The following SLAMF9 variants were observed in gnomAD, a reference collection of about 807,000 sequenced individuals.
SLAMF9 encodes SLAM family member 9.
Under a neutral mutation model 30.4 loss-of-function variants are expected in SLAMF9, and 25 were observed. That is an observed-to-expected ratio of 0.82 (90% CI 0.60 to 1.15). The LOEUF is 1.15. Among genes scored for constraint, SLAMF9 ranks in the 50% most tolerant of loss-of-function variants. The probability of loss-of-function intolerance (pLI) is 0.00; values close to 1 mark genes in which losing one functional copy is unlikely to be tolerated. For missense variants in SLAMF9, 344 were observed against 346.1 expected (o/e 0.99, Z 0.05); for synonymous variants, 129 against 127.2 (o/e 1.01, Z -0.09).
chr1:159,962,484 G>A, the SLAMF9 span, among the ~76,000 whole-genome samples: 1 of 152,078 alleles, frequency 6.6e-6, no homozygotes, highest in African/African-American at 2.4e-5. Context: ...TGAAGATTTG[G>A]GGAAAAGGTG....
chr1:159,970,093 A>T, the SLAMF9 span, among the ~76,000 whole-genome samples: 1 of 152,130 alleles, frequency 6.6e-6, no homozygotes, highest in Non-Finnish European at 1.5e-5. Flanking sequence ...AATAAATAAA[A>T]TAGTATTTAT....
the SLAMF9 span, among the ~76,000 whole-genome samples, chr1:159,963,088 C>T: frequency 6.6e-6 from 1 of 152,100 alleles, no homozygotes; most frequent in Non-Finnish European, 1.5e-5. Flanking sequence ...TGGGTTCCTT[C>T]GTCTGCAGAA....
chr1:159,974,214 C>A, the SLAMF9 span: 4 of 626,946 alleles, frequency 6.4e-6, no homozygotes, highest in African/African-American at 7.4e-5. Flanking sequence ...TTCATGCTGA[C>A]CAGAGAAGGG....
rs147709939 is a variant in SLAMF9, at chr1:159,952,495, C to T, written c.431G>A (p.Ser144Asn). 1.7e-5 allele frequency: 27 copies of T among 1,613,972 alleles called. No homozygotes were observed. The highest frequency in any genetic ancestry group is 2.3e-5 in the Non-Finnish European group (27 of 1,180,012). The change falls in exon 3 of 4, where the codon AGT becomes AAT. Residue 144 changes from serine (S) to asparagine (N), a missense_variant. By Grantham distance (46) the Ser-to-Asn change is conservative. Transcript: ENST00000368093. ...SEPQITVNFE[S>N]SGEGACSMSL... The stretch of plus-strand genomic sequence containing the variant: ...CATACTGCAGGCACCTTCCCCAGAA[C>T]TCTCAAAGTTCACAGTGATCTGGGG...
upstream of SLAMF9, among the ~76,000 whole-genome samples, chr1:159,957,618 A>T (rs2840586): frequency 0.88 from 133,144 of 152,134 alleles, 58,719 homozygotes; most frequent in East Asian, 1. Context: ...GCGAGACTCC[A>T]TCTAAAAAAA....
In SLAMF9 at chr1:159,953,498, T is replaced by C. The variant is rs764311861; in HGVS notation, c.202A>G (p.Lys68Glu). The stretch of plus-strand genomic sequence containing the variant: ...ATGATGGTAGCTGGATGTCCCTCTT[T>C]CCCTGGCACCACAGTGGCAAGACTT... ...HKSLATVVPG[K>E]EGHPATIMVT... Residue 68 changes from lysine to glutamate, a missense_variant, in exon 2 of 4, where the codon AAA becomes GAA. Transcript: ENST00000368093. 1 of 1,614,192 alleles carries C rather than the reference T, an allele frequency of 6.2e-7. No individual in the cohort carries two copies. The highest frequency in any genetic ancestry group is 1.7e-5 in the Admixed American group (1 of 60,024).
intron 3 of SLAMF9, 97 bp from the exon 4 acceptor site, chr1:159,951,963 T>C: frequency 9.7e-7 from 1 of 1,034,612 alleles, no homozygotes; most frequent in South Asian, 1.5e-5. Context: ...GGGTCTCAAG[T>C]TCACAATCAG....
At chr1:159,962,887 T>C in the SLAMF9 span, among the ~76,000 whole-genome samples, 1 of 152,176 alleles carries the variant, frequency 6.6e-6, no homozygotes. Context: ...GAAAGTGCTC[T>C]AGTTTGGAGG....
the SLAMF9 span, among the ~76,000 whole-genome samples, chr1:159,970,561 C>T: frequency 6.6e-6 from 1 of 152,212 alleles, no homozygotes; most frequent in Admixed American, 6.5e-5. Context: ...CTCCCATAGC[C>T]ATGGATAGAA....
intron 3 of SLAMF9, 92 bp downstream of exon 3, chr1:159,952,170 C>T: frequency 6.8e-7 from 1 of 1,469,472 alleles, no homozygotes; most frequent in Non-Finnish European, 9.3e-7. Flanking sequence ...TCTGAATTCC[C>T]TGGGCTCTCT....
At chr1:159,970,706 G>C in the SLAMF9 span, among the ~76,000 whole-genome samples, 1 of 152,188 alleles carries the variant, frequency 6.6e-6, no homozygotes, top group East Asian at 1.9e-4. Context: ...ACGTGTGTGA[G>C]AGTTTAGCCA....
chr1:159,979,243 G>A, the SLAMF9 span, among the ~76,000 whole-genome samples: 45 of 152,088 alleles, frequency 3.0e-4, no homozygotes, highest in Non-Finnish European at 6.0e-4. Flanking sequence ...AGTTGTTTTG[G>A]GAAAGCCCTT....
the SLAMF9 span, among the ~76,000 whole-genome samples, chr1:159,971,951 C>CA: frequency 3.9e-5 from 6 of 152,168 alleles, no homozygotes; most frequent in African/African-American, 7.2e-5. Flanking sequence ...CAAAACAAAA[C>CA]AAAAAAACTT....
At chr1:159,976,974 G>A in the SLAMF9 span, 2 of 39,984 alleles carry the variant, frequency 5.0e-5, no homozygotes, top group Admixed American at 3.5e-4. Flanking sequence ...AAGAAAGAAG[G>A]AAAGAAGGAA....
At chr1:159,968,170 G>A in the SLAMF9 span, among the ~76,000 whole-genome samples, 1 of 152,156 alleles carries the variant, frequency 6.6e-6, no homozygotes, top group Non-Finnish European at 1.5e-5. Flanking sequence ...CATCCTTGTT[G>A]TGTTTCTGAT....
chr1:159,953,032 G>A (rs1651813637), intron 2 of SLAMF9, among the ~76,000 whole-genome samples: 1 of 152,150 alleles, frequency 6.6e-6, no homozygotes, highest in Non-Finnish European at 1.5e-5. Flanking sequence ...AATTTCACTG[G>A]AAGAGAAAAG....
the SLAMF9 span, among the ~76,000 whole-genome samples, chr1:159,965,972 T>C: frequency 5.3e-5 from 8 of 152,242 alleles, no homozygotes; most frequent in Non-Finnish European, 8.8e-5. Flanking sequence ...GTGATATATT[T>C]GAAATTACAC....
the SLAMF9 span, among the ~76,000 whole-genome samples, chr1:159,980,935 C>T: frequency 6.6e-6 from 1 of 152,250 alleles, no homozygotes; most frequent in Admixed American, 6.5e-5. Context: ...CTTTGCGTCA[C>T]ACGCAGAAGC....
upstream of SLAMF9, among the ~76,000 whole-genome samples, chr1:159,954,655 T>TAG (rs1375447565): frequency 6.6e-6 from 1 of 152,238 alleles, no homozygotes; most frequent in Non-Finnish European, 1.5e-5. Context: ...GGCCCCATAC[T>TAG]AGACATGTGT....
Sources: allele counts gnomAD v4.1 joint callset (sites outside exome capture counted in the v4.1 genomes callset), GRCh38; gene constraint gnomAD v4.1.1; transcripts MANE v1.5; gene names NCBI Gene and HGNC (gene_info 2026-07-23, HGNC 2026-07-21).